Variants in NRXN1 observed in about 807,000 individuals in gnomAD.
NRXN1 encodes neurexin-1.
Under a neutral mutation model 150.9 loss-of-function variants are expected in NRXN1, and 39 were observed. The observed-to-expected ratio is 0.26, with a 90% confidence interval of 0.20 to 0.34. The LOEUF (loss-of-function observed/expected upper bound fraction) is 0.34. NRXN1 is among the 10% of genes least tolerant of loss of function. The pLI, the probability that NRXN1 is intolerant of heterozygous loss-of-function variation, is 1.00. For synonymous variants in NRXN1, 924 were observed against 757.0 expected, an observed-to-expected ratio of 1.22 and a Z score of -3.62; for missense variants, 1,815 against 1,949.9, an observed-to-expected ratio of 0.93 and a Z score of 1.30.
intron 15 of NRXN1, among the ~76,000 whole-genome samples, chr2:50,480,846 G>A (rs911721519): frequency 6.6e-6 from 1 of 151,896 alleles, no homozygotes; most frequent in African/African-American, 2.4e-5. Flanking sequence ...AGAGTCCTGA[G>A]TGAGAGAGGT....
chr2:50,092,091 C>A (rs1053149085), intron 18 of NRXN1, among the ~76,000 whole-genome samples: 1 of 152,074 alleles, frequency 6.6e-6, no homozygotes, highest in Admixed American at 6.6e-5. Context: ...CAGGAAGGTA[C>A]AAGACTTGTT....
At chr2:51,024,825 G>GT (rs967040705) in intron 2 of NRXN1, among the ~76,000 whole-genome samples, 2 of 151,886 alleles carry the variant, frequency 1.3e-5, no homozygotes, top group African/African-American at 2.4e-5. Context: ...TTACTTGTCT[G>GT]TTTTTTTCCC....
intron 8 of NRXN1, among the ~76,000 whole-genome samples, chr2:50,587,086 C>T (rs1036871088): frequency 3.3e-5 from 5 of 152,294 alleles, no homozygotes; most frequent in South Asian, 2.1e-4. Flanking sequence ...TGACCTTGGG[C>T]GAGACACAAT....
intron 18 of NRXN1, among the ~76,000 whole-genome samples, chr2:50,145,665 C>T (rs1168971145): frequency 1.3e-5 from 2 of 151,656 alleles, no homozygotes; most frequent in Non-Finnish European, 3.0e-5. Flanking sequence ...AACCAAATGG[C>T]TTGAGTGTGA....
chr2:50,096,409 A>G (rs985996135), intron 18 of NRXN1, among the ~76,000 whole-genome samples: 2 of 152,204 alleles, frequency 1.3e-5, no homozygotes, highest in African/African-American at 2.4e-5. Context: ...AAGCAATAAA[A>G]CGTGCTAAAC....
intron 12 of NRXN1, among the ~76,000 whole-genome samples, chr2:50,524,919 T>C (rs937450387): frequency 6.6e-6 from 1 of 152,122 alleles, no homozygotes; most frequent in African/African-American, 2.4e-5. Context: ...GATGTATCGT[T>C]TGGAATTATT....
Position 50,970,962 on chromosome 2 carries a change from T to C in NRXN1, c.773-45007A>G, listed in dbSNP as rs561968637. On this transcript the variant is annotated intron_variant, in intron 2 of 22. Transcript: ENST00000401669. ...TTTCTTCTAACACAAGCAAAAATAT[T>C]TGAAAATCACAATATTTTTTAGGAC... is the stretch of plus-strand genomic sequence containing the variant. 2.0e-5 allele frequency among the ~76,000 whole-genome samples: 3 copies of C among 152,286 alleles called. No individual in the cohort carries two copies. In the South Asian group the frequency reaches 6.2e-4, roughly 32 times the overall value.
intron 17 of NRXN1, among the ~76,000 whole-genome samples, chr2:50,401,737 GAATTTTATTTT>G (rs978803554): frequency 2.0e-5 from 3 of 148,872 alleles, no homozygotes; most frequent in Admixed American, 2.0e-4. Context: ...CCTATGGTTG[GAATTTTATTTT>G]ATTTTATTTT....
At chr2:50,789,729 AG>A (rs1353209439) in intron 5 of NRXN1, among the ~76,000 whole-genome samples, 3 of 152,122 alleles carry the variant, frequency 2.0e-5, no homozygotes, top group Non-Finnish European at 4.4e-5. Context: ...TTTTTTTTAA[AG>A]GTGGGGGATA....
intron 5 of NRXN1, among the ~76,000 whole-genome samples, chr2:50,719,229 C>G (rs1696292501): frequency 6.6e-6 from 1 of 151,518 alleles, no homozygotes; most frequent in South Asian, 2.1e-4. Context: ...CATTAAACCT[C>G]TTACCATAAT....
At chr2:50,745,752 C>T (rs112182252) in intron 5 of NRXN1, among the ~76,000 whole-genome samples, 2,136 of 152,038 alleles carry the variant, frequency 0.014, 25 homozygotes, top group Non-Finnish European at 0.023. Context: ...AGGGGGAAGC[C>T]CCTTGTAAAA....
intron 5 of NRXN1, among the ~76,000 whole-genome samples, chr2:50,737,568 T>C (rs1166386799): frequency 6.6e-6 from 1 of 152,178 alleles, no homozygotes; most frequent in Non-Finnish European, 1.5e-5. Flanking sequence ...CTATGCTGCA[T>C]AGCATTAGTA....
intron 5 of NRXN1, among the ~76,000 whole-genome samples, chr2:50,767,610 G>C (rs557548901): frequency 3.3e-5 from 5 of 152,062 alleles, no homozygotes; most frequent in Non-Finnish European, 7.4e-5. Flanking sequence ...GAAGGTCATA[G>C]TCAAGTTGAC....
chr2:50,838,701 T>TG (rs978023251), intron 5 of NRXN1, among the ~76,000 whole-genome samples: 5 of 152,008 alleles, frequency 3.3e-5, no homozygotes, highest in Non-Finnish European at 5.9e-5. Context: ...GTGACGCATC[T>TG]GCAAGTGAAA....
intron 17 of NRXN1, among the ~76,000 whole-genome samples, chr2:50,300,651 G>A (rs1047594727): frequency 2.6e-5 from 4 of 152,176 alleles, no homozygotes; most frequent in African/African-American, 7.2e-5. Flanking sequence ...TCTAAGCCAT[G>A]CTCTTAAAGG....
chr2:50,650,662 T>C (rs1685482917), intron 5 of NRXN1, among the ~76,000 whole-genome samples: 1 of 152,012 alleles, frequency 6.6e-6, no homozygotes, highest in African/African-American at 2.4e-5. Flanking sequence ...GAAATCTAGA[T>C]TTTTCTCTTT....
At chr2:49,967,807 A>G (rs989102953) in intron 21 of NRXN1, among the ~76,000 whole-genome samples, 30 of 151,928 alleles carry the variant, frequency 2.0e-4, no homozygotes, top group African/African-American at 7.0e-4. Context: ...AATCTAGAAA[A>G]CACTTGTTGC....
chr2:50,419,265 A>G (rs1157854027), intron 17 of NRXN1, among the ~76,000 whole-genome samples: 1 of 152,120 alleles, frequency 6.6e-6, no homozygotes, highest in Non-Finnish European at 1.5e-5. Context: ...TTTCAGAAGA[A>G]TCATATCTTT....
intron 2 of NRXN1, among the ~76,000 whole-genome samples, chr2:51,014,167 A>G (rs1668314109): frequency 6.6e-6 from 1 of 152,060 alleles, no homozygotes; most frequent in Admixed American, 6.6e-5. Context: ...GGATGAACAG[A>G]CCAGGATGAC....
Sources: gnomAD v4.1 joint callset for allele counts (sites outside exome capture counted in the v4.1 genomes callset) on GRCh38, gnomAD v4.1.1 for gene constraint, MANE v1.5 for transcripts, NCBI Gene and HGNC (gene_info 2026-07-23, HGNC 2026-07-21) for gene names.